WWOX: variants seen among roughly 807,000 people sequenced by gnomAD.
The protein encoded by WWOX is WW domain containing oxidoreductase, also known as WW domain-containing oxidoreductase.
WWOX carries 69 observed loss-of-function variants against 46.2 expected under a neutral mutation model. The observed-to-expected ratio is 1.49, with a 90% confidence interval of 1.23 to 1.82. WWOX has a LOEUF of 1.82. Ranked by LOEUF, WWOX falls within the 40% of genes most tolerant of loss-of-function variation. The probability of loss-of-function intolerance (pLI) is 0.00; values close to 1 mark genes in which losing one functional copy is unlikely to be tolerated. For synonymous variants in WWOX, 359 were observed against 202.6 expected (o/e 1.77, Z -6.56); for missense variants, 919 against 542.6 (o/e 1.69, Z -6.89).
chr16:78,398,708 TA>T (rs767664414), intron 6 of WWOX, among the ~76,000 whole-genome samples: 14 of 152,220 alleles, frequency 9.2e-5, no homozygotes, highest in Non-Finnish European at 1.3e-4. Context: ...TACAACTTAT[TA>T]AGATGGTGAC....
At chr16:78,624,288 A>G (rs185198840) in intron 8 of WWOX, among the ~76,000 whole-genome samples, 106 of 148,726 alleles carry the variant, frequency 7.1e-4, no homozygotes, top group African/African-American at 2.6e-3. Context: ...AAGGACATGT[A>G]TTTCCAACTG....
chr16:78,231,855 A>G (rs959565388), intron 5 of WWOX, among the ~76,000 whole-genome samples: 4 of 151,940 alleles, frequency 2.6e-5, no homozygotes, highest in East Asian at 3.9e-4. Context: ...CCCAGATAGT[A>G]AGTTCTACTA....
intron 5 of WWOX, among the ~76,000 whole-genome samples, chr16:78,336,581 T>TA (rs2151896588): frequency 7.0e-6 from 1 of 143,282 alleles, no homozygotes; most frequent in South Asian, 2.3e-4. Context: ...TGGAAGACAA[T>TA]AGGGAGTGTT....
In WWOX at chr16:78,998,467, A is replaced by G. The variant is rs571960062; in HGVS notation, c.1057-213141A>G. On this transcript the variant is annotated intron_variant, in intron 8 of 8. Coordinates refer to ENST00000566780, the MANE Select transcript of WWOX (RefSeq NM_016373.4). Reference sequence around the variant, plus strand: ...GACAGTCAGTTTTAAAGATTTTTTCACTGAGGGACTAAGAGAAATAGAAAC... The same window carrying G: ...GACAGTCAGTTTTAAAGATTTTTTCGCTGAGGGACTAAGAGAAATAGAAAC... Among the ~76,000 whole-genome samples, 4 of 152,226 alleles carry G rather than the reference A, an allele frequency of 2.6e-5. No homozygotes were observed. In the East Asian group the frequency reaches 5.8e-4, roughly 22 times the overall value.
chr16:78,973,464 A>G (rs2046511532), intron 8 of WWOX, among the ~76,000 whole-genome samples: 2 of 152,206 alleles, frequency 1.3e-5, no homozygotes, highest in South Asian at 2.1e-4. Flanking sequence ...ATATGTTCTT[A>G]AAGTATCTGC....
intron 5 of WWOX, among the ~76,000 whole-genome samples, chr16:78,363,580 G>C (rs535613602): frequency 1.3e-5 from 2 of 152,216 alleles, no homozygotes; most frequent in South Asian, 2.1e-4. Context: ...TCCCAGGCCA[G>C]TTTTAACTCA....
intron 8 of WWOX, among the ~76,000 whole-genome samples, chr16:78,821,051 T>G (rs2051479905): frequency 1.3e-5 from 2 of 152,172 alleles, no homozygotes; most frequent in Admixed American, 6.5e-5. Context: ...AGACCCTGTT[T>G]CCAAATAAAG....
chr16:78,814,729 A>G (rs1281690245), intron 8 of WWOX, among the ~76,000 whole-genome samples: 3 of 152,240 alleles, frequency 2.0e-5, no homozygotes, highest in African/African-American at 7.2e-5. Flanking sequence ...TTCTGCCTTC[A>G]TGTAACAACT....
At chr16:78,899,547 G>C (rs2044777039) in intron 8 of WWOX, 2 of 152,166 alleles carry the variant, frequency 1.3e-5, no homozygotes, top group African/African-American at 4.8e-5. Context: ...TGGAAACAGT[G>C]GGTTTATATT....
intron 8 of WWOX, among the ~76,000 whole-genome samples, chr16:78,735,559 C>G (rs73571675): frequency 1.2e-4 from 18 of 152,326 alleles, no homozygotes; most frequent in African/African-American, 4.1e-4. Flanking sequence ...CATACAGATG[C>G]TCAGAGCATA....
chr16:78,421,226 C>G (rs538685100), intron 6 of WWOX, among the ~76,000 whole-genome samples: 1 of 152,288 alleles, frequency 6.6e-6, no homozygotes, highest in East Asian at 1.9e-4. Context: ...GTTTCAGAGA[C>G]CAAACATCTG....
At chr16:78,839,652 G>C (rs1309306735) in intron 8 of WWOX, among the ~76,000 whole-genome samples, 1 of 152,120 alleles carries the variant, frequency 6.6e-6, no homozygotes, top group African/African-American at 2.4e-5. Context: ...CACTGTTATG[G>C]AGGGTGGGGA....
intron 8 of WWOX, among the ~76,000 whole-genome samples, chr16:78,644,933 G>A (rs756681722): frequency 4.6e-5 from 7 of 152,184 alleles, no homozygotes; most frequent in Non-Finnish European, 1.0e-4. Flanking sequence ...TTGTATTTTT[G>A]TGGAATTCTT....
chr16:78,292,744 A>G (rs1294372977), intron 5 of WWOX, among the ~76,000 whole-genome samples: 2 of 152,164 alleles, frequency 1.3e-5, no homozygotes, highest in East Asian at 1.9e-4. Flanking sequence ...CCCTTACCCT[A>G]AAGTGTTTGG....
chr16:78,595,322 C>G (rs545195679), intron 8 of WWOX, among the ~76,000 whole-genome samples: 2 of 151,892 alleles, frequency 1.3e-5, no homozygotes, highest in South Asian at 2.1e-4. Context: ...GAATATGGAA[C>G]CAAAGCCTGT....
chr16:79,173,778 A>T (rs2050746929), intron 8 of WWOX, among the ~76,000 whole-genome samples: 1 of 152,172 alleles, frequency 6.6e-6, no homozygotes, highest in Non-Finnish European at 1.5e-5. Context: ...GTTGGAAAAA[A>T]TACTTATGAT....
At chr16:79,142,657 A>C (rs1423083138) in intron 8 of WWOX, among the ~76,000 whole-genome samples, 2 of 152,132 alleles carry the variant, frequency 1.3e-5, no homozygotes, top group Admixed American at 6.5e-5. Context: ...CATTTTTTCA[A>C]CGTTAATAGA....
intron 5 of WWOX, among the ~76,000 whole-genome samples, chr16:78,219,119 C>G (rs2036811416): frequency 6.6e-6 from 1 of 152,004 alleles, no homozygotes; most frequent in Admixed American, 6.6e-5. Flanking sequence ...TTTTCCAATT[C>G]CCTCCTACAT....
intron 5 of WWOX, among the ~76,000 whole-genome samples, chr16:78,284,797 C>T (rs1162925195): frequency 6.6e-6 from 1 of 152,222 alleles, no homozygotes; most frequent in Non-Finnish European, 1.5e-5. Context: ...AGTTGACTTA[C>T]AAAGCTTGGT....
Sources: gnomAD v4.1 joint callset for allele counts (sites outside exome capture counted in the v4.1 genomes callset) on GRCh38, gnomAD v4.1.1 for gene constraint, MANE v1.5 for transcripts, NCBI Gene and HGNC (gene_info 2026-07-23, HGNC 2026-07-21) for gene names.